Variants in HTR5A observed in about 807,000 individuals in gnomAD.
HTR5A encodes the protein 5-hydroxytryptamine receptor 5A, also known as 5-HT-5.
Under a neutral mutation model 24.3 loss-of-function variants are expected in HTR5A, and 21 were observed. The observed-to-expected ratio is 0.86, with a 90% CI of 0.61 to 1.24. The LOEUF (loss-of-function observed/expected upper bound fraction) is 1.24. HTR5A is among the 50% of genes most tolerant of loss of function. The pLI is 0.00. For synonymous variants in HTR5A, 260 were observed against 213.7 expected (o/e 1.22, Z -1.89); for missense variants, 497 against 489.5 (o/e 1.02, Z -0.15).
At chr7:155,075,131 T>C in intron 1 of HTR5A, among the ~76,000 whole-genome samples, 1 of 152,360 alleles carries the variant, frequency 6.6e-6, no homozygotes, top group South Asian at 2.1e-4. Context: ...AGACTAAGTC[T>C]AAAACTTGTT....
In HTR5A at chr7:155,084,203, G is replaced by T. The variant is rs150067714; in HGVS notation, c.790G>T (p.Ala264Ser). ...QPQMVFTVRH[A>S]TVTFQPEGDT... Reference sequence around the variant, plus strand: ...CCAGATGGTGTTCACGGTCCGCCACGCCACCGTCACCTTCCAGCCAGAAGG... The same window carrying T: ...CCAGATGGTGTTCACGGTCCGCCACTCCACCGTCACCTTCCAGCCAGAAGG... The change falls in exon 2 of 2, where the codon GCC (alanine) becomes TCC (serine). Residue 264 changes from alanine to serine, a missense_variant. Physicochemically the swap from Ala to Ser is moderately conservative, Grantham distance 99. Transcript: ENST00000287907. The T allele has an allele frequency of 1.5e-5, 25 of 1,613,646 alleles. No homozygotes were observed. The highest frequency in any genetic ancestry group is 2.1e-5 in the Non-Finnish European group (25 of 1,179,908).
chr7:155,075,776 G>A (rs1220263794), intron 1 of HTR5A, among the ~76,000 whole-genome samples: 1 of 152,182 alleles, frequency 6.6e-6, no homozygotes, highest in African/African-American at 2.4e-5. Context: ...TGGGTTAATT[G>A]TTGTGGCCTG....
In HTR5A at chr7:155,071,193, G is replaced by A; in HGVS notation, c.294G>A (p.Leu98=). Residue 98 remains leucine, a synonymous_variant, in exon 1 of 2, where the codon CTG becomes CTA. Transcript: ENST00000287907. ...LVAALVMPLS[L]VHELSGRRWQ... is the part of the protein sequence containing the mutation. ...CCGCGCTGGTCATGCCGCTGAGCCT[G>A]GTGCACGAGCTGTCCGGGCGCCGCT... The A allele has an allele frequency of 6.2e-7, 1 of 1,602,836 alleles. No homozygotes were observed. Among genetic ancestry groups the A allele is most frequent in the Non-Finnish European group, 8.5e-7 (1 of 1,179,886 alleles).
rs946629460 is a variant in HTR5A, at chr7:155,087,007, T to A, written c.*2520T>A. Among the ~76,000 whole-genome samples, 2 of 152,150 alleles carry A rather than the reference T, an allele frequency of 1.3e-5. No homozygotes were observed. The highest frequency in any genetic ancestry group is 2.9e-5 in the Non-Finnish European group (2 of 68,014). On this transcript the variant is annotated 3_prime_UTR_variant, in exon 2 of 2. Transcript: ENST00000287907. ...ACTGAGGTGAACCAATCCAAAGCCC[T>A]CCTTTCAGCTCTTGTAGAATATGTC...
rs1026556674 is a variant in HTR5A, at chr7:155,087,363, G to C, written c.*2876G>C. Among the ~76,000 whole-genome samples the C allele has an allele frequency of 6.6e-6, 1 of 152,206 alleles. No homozygotes were observed. The highest frequency in any genetic ancestry group is 6.5e-5 in the Admixed American group (1 of 15,286). ...AACACTTTGCCATATTTCTATTAAA[G>C]AGAAAATAAAGATTGAGTCCACAGC... On this transcript the variant is annotated 3_prime_UTR_variant, in exon 2 of 2. Coordinates refer to ENST00000287907, the MANE Select transcript of HTR5A (RefSeq NM_024012.4).
chr7:155,079,484 TC>T (rs1394836916), intron 1 of HTR5A, among the ~76,000 whole-genome samples: 1 of 152,190 alleles, frequency 6.6e-6, no homozygotes, highest in African/African-American at 2.4e-5. Flanking sequence ...GTTAGGATTT[TC>T]TTTTAAGGAC....
rs1795295786 is a variant in HTR5A at position 155,071,571 on chromosome 7, C to T, written c.672C>T (p.Tyr224=). 9.9e-6 allele frequency: 16 copies of T among 1,614,212 alleles called. No individual in the cohort carries two copies. The highest frequency in any genetic ancestry group is 1.3e-5 in the Non-Finnish European group (15 of 1,180,034). Residue 224 remains tyrosine (Y), a synonymous_variant, in exon 1 of 2, where the codon TAC becomes TAT. Transcript: ENST00000287907. ...CVVLFVYWKI[Y]KAAKFRVGSR... Reference sequence around the variant, plus strand: ...TGCTCTTCGTGTACTGGAAGATCTACAAGGCTGCCAAGTTCCGCGTGGGCT... The same window carrying T: ...TGCTCTTCGTGTACTGGAAGATCTATAAGGCTGCCAAGTTCCGCGTGGGCT...
At chr7:155,073,863 G>GTATATATATATATACATATATATA (rs58094908) in intron 1 of HTR5A, among the ~76,000 whole-genome samples, 1 of 68,102 alleles carries the variant, frequency 1.5e-5, no homozygotes, top group African/African-American at 5.3e-5. Context: ...ATGTGTGTGT[G>GTATATATATATATACATATATATA]TGTATATATA....
In HTR5A at chr7:155,071,179, A is replaced by G. The variant is rs748588873; in HGVS notation, c.280A>G (p.Met94Val). The G allele has an allele frequency of 6.9e-6, 11 of 1,602,768 alleles. No homozygotes were observed. Among genetic ancestry groups the G allele is most frequent in the Middle Eastern group, 3.3e-4 (2 of 6,084 alleles). ...GGATGTCCTGGTGGCCGCGCTGGTC[A>G]TGCCGCTGAGCCTGGTGCACGAGCT... ...VSDVLVAALV[M>V]PLSLVHELSG... Residue 94 changes from methionine (M) to valine (V), a missense_variant, in exon 1 of 2, where the codon ATG (methionine) becomes GTG (valine). Transcript: ENST00000287907.
rs758882878 is a variant in HTR5A at position 155,087,032 on chromosome 7, C to G, written c.*2545C>G. ...TCCTTTCAGCTCTTGTAGAATATGT[C>G]GAACAAAACGCACAGTTCTGCCCTC... On this transcript the variant is annotated 3_prime_UTR_variant, in exon 2 of 2. Transcript: ENST00000287907. Among the ~76,000 whole-genome samples, 4 of 152,040 alleles carry G rather than the reference C, an allele frequency of 2.6e-5. No individual in the cohort carries two copies. The highest frequency in any genetic ancestry group is 6.5e-5 in the Admixed American group (1 of 15,268).
Position 155,087,345 on chromosome 7 carries a change from T to G in HTR5A, c.*2858T>G, listed in dbSNP as rs1369365051. Among the ~76,000 whole-genome samples the G allele has an allele frequency of 6.6e-6, 1 of 152,192 alleles. No homozygotes were observed. The highest frequency in any genetic ancestry group is 1.5e-5 in the Non-Finnish European group (1 of 68,012). ...CAAAGAGGCTGTAGAGACAACACTT[T>G]GCCATATTTCTATTAAAGAGAAAAT... is the stretch of plus-strand genomic sequence containing the variant. On this transcript the variant is annotated 3_prime_UTR_variant, in exon 2 of 2. Transcript: ENST00000287907.
At chr7:155,080,801 T>C (rs1390081728) in intron 1 of HTR5A, among the ~76,000 whole-genome samples, 1 of 152,148 alleles carries the variant, frequency 6.6e-6, no homozygotes, top group Non-Finnish European at 1.5e-5. Context: ...TGGGGTTTTC[T>C]GATGGAATGG....
intron 1 of HTR5A, among the ~76,000 whole-genome samples, chr7:155,083,908 C>T (rs900134114): frequency 6.6e-6 from 1 of 152,138 alleles, no homozygotes; most frequent in African/African-American, 2.4e-5. Flanking sequence ...AATAGGGAGT[C>T]CATCTTCATG....
rs1338391913 is a variant in HTR5A at position 155,086,984 on chromosome 7, T to C, written c.*2497T>C. Among the ~76,000 whole-genome samples the C allele has an allele frequency of 2.6e-5, 4 of 152,140 alleles. No individual in the cohort carries two copies. The East Asian group carries it at 7.7e-4, about 29-fold the overall frequency. On this transcript the variant is annotated 3_prime_UTR_variant, in exon 2 of 2. Transcript: ENST00000287907. ...CTGCAAGCCCTCTCTGTAGGGTGAC[T>C]GAGGTGAACCAATCCAAAGCCCTCC...
intron 1 of HTR5A, 42 bp downstream of exon 1, chr7:155,071,682 T>A: frequency 1.3e-6 from 2 of 1,589,668 alleles, no homozygotes; most frequent in Non-Finnish European, 8.6e-7. Flanking sequence ...GACTTGCATC[T>A]GTACAGGCTA....
At chr7:155,078,026 A>G (rs1203115685) in intron 1 of HTR5A, among the ~76,000 whole-genome samples, 1 of 152,182 alleles carries the variant, frequency 6.6e-6, no homozygotes, top group African/African-American at 2.4e-5. Flanking sequence ...GAGTGGCTTT[A>G]TTAGATAGAT....
rs973899142 is a variant in HTR5A, at chr7:155,086,507, A to G, written c.*2020A>G. 1.3e-5 allele frequency among the ~76,000 whole-genome samples: 2 copies of G among 152,194 alleles called. No individual in the cohort carries two copies. The highest frequency in any genetic ancestry group is 6.5e-5 in the Admixed American group (1 of 15,282). ...ACGATGTTATTATAATATTAATTCA[A>G]TCTCCAGCTGAGGGTTTTATTAATG... On this transcript the variant is annotated 3_prime_UTR_variant, in exon 2 of 2. Transcript: ENST00000287907.
intron 1 of HTR5A, among the ~76,000 whole-genome samples, chr7:155,083,473 C>A (rs1795439405): frequency 6.6e-6 from 1 of 152,180 alleles, no homozygotes; most frequent in African/African-American, 2.4e-5. Context: ...CCAGGAATTC[C>A]ACTCCTTGAG....
At chr7:155,084,100 GC>G in intron 1 of HTR5A, 54 bp from the exon 2 acceptor site, 1 of 1,418,990 alleles carries the variant, frequency 7.0e-7, no homozygotes, top group Non-Finnish European at 9.5e-7. Flanking sequence ...TCCAGGCTCA[GC>G]CTAGCAGGTA....
Sources: allele counts gnomAD v4.1 joint callset (sites outside exome capture counted in the v4.1 genomes callset), GRCh38; gene constraint gnomAD v4.1.1; transcripts MANE v1.5; gene names NCBI Gene and HGNC (gene_info 2026-07-23, HGNC 2026-07-21).